Variants in TEAD1 observed in about 807,000 individuals in gnomAD.
TEAD1 encodes TEA domain transcription factor 1, also known as transcriptional enhancer factor TEF-1.
A neutral mutation model predicts 54.9 loss-of-function variants in TEAD1; 9 were observed. That is an observed-to-expected ratio of 0.16 (90% CI 0.10 to 0.29). TEAD1 has a LOEUF of 0.29. Among genes scored for constraint, TEAD1 ranks in the 10% least tolerant of loss-of-function variants. The pLI is 1.00. For synonymous variants in TEAD1, 200 were observed against 187.8 expected, an observed-to-expected ratio of 1.07 and a Z score of -0.53; for missense variants, 387 against 535.9, an observed-to-expected ratio of 0.72 and a Z score of 2.74.
At chr11:12,693,580 C>T (rs964095692) in intron 2 of TEAD1, among the ~76,000 whole-genome samples, 91 of 152,226 alleles carry the variant, frequency 6.0e-4, no homozygotes, top group Admixed American at 3.0e-3. Flanking sequence ...GCTGTTAAGT[C>T]GCAGCCCATG....
chr11:12,679,179 T>G (rs1943163760), intron 2 of TEAD1, among the ~76,000 whole-genome samples: 1 of 152,170 alleles, frequency 6.6e-6, no homozygotes, highest in African/African-American at 2.4e-5. Flanking sequence ...AAAACCTATC[T>G]TTTTTCTACC....
chr11:12,831,593 T>TA (rs1946783125), intron 3 of TEAD1, among the ~76,000 whole-genome samples: 1 of 152,140 alleles, frequency 6.6e-6, no homozygotes, highest in South Asian at 2.1e-4. Flanking sequence ...ACCTGGCTGA[T>TA]ATAGTGAGAC....
intron 3 of TEAD1, among the ~76,000 whole-genome samples, chr11:12,839,791 G>A (rs905205188): frequency 6.6e-6 from 1 of 152,118 alleles, no homozygotes; most frequent in Non-Finnish European, 1.5e-5. Flanking sequence ...ACAAGAGTTG[G>A]CATTCTAGGT....
rs200723452 is a variant in TEAD1, at chr11:12,679,748, A to AT, written c.-55+4198dup. Among the ~76,000 whole-genome samples the AT allele has an allele frequency of 4.8e-3, 713 of 148,234 alleles. 2 individuals are homozygous for AT. Among genetic ancestry groups the AT allele is most frequent in the African/African-American group, 7.5e-3 (304 of 40,510 alleles). On this transcript the variant is annotated intron_variant, in intron 2 of 12. Coordinates refer to ENST00000527636, the MANE Select transcript of TEAD1 (RefSeq NM_021961.6). ...CAATCTCAATTTAACTTGAAAGGGGATTTTTTTTTTTAAACTTGGAATGTT... is the reference window on the plus strand; with the variant it reads ...CAATCTCAATTTAACTTGAAAGGGGATTTTTTTTTTTTAAACTTGGAATGTT...
chr11:12,779,852 A>G (rs1171714540), intron 3 of TEAD1, among the ~76,000 whole-genome samples: 2 of 152,242 alleles, frequency 1.3e-5, no homozygotes, highest in East Asian at 3.8e-4. Flanking sequence ...CAGATACAGA[A>G]AAAGGATTTC....
At chr11:12,824,486 C>G (rs1946611933) in intron 3 of TEAD1, among the ~76,000 whole-genome samples, 1 of 152,218 alleles carries the variant, frequency 6.6e-6, no homozygotes, top group African/African-American at 2.4e-5. Flanking sequence ...AAAACAAGGT[C>G]TTTGGAACCA....
chr11:12,930,194 G>A lies in TEAD1; in HGVS notation c.1035G>A (p.Glu345=), dbSNP rs766852492. The change falls in exon 12 of 13, where the codon GAG becomes GAA. Residue 345 remains glutamate, a synonymous_variant. Transcript: ENST00000527636. ...CACAGACGGAGTATGCAAGGTTTGA[G>A]AATGGCCGATTTGTATACCGAATAA... The A allele has an allele frequency of 4.3e-6, 7 of 1,614,102 alleles. No individual in the cohort carries two copies. The highest frequency in any genetic ancestry group is 5.1e-6 in the Non-Finnish European group (6 of 1,180,054).
chr11:12,844,864 C>T (rs539613413), intron 3 of TEAD1, among the ~76,000 whole-genome samples: 118 of 151,556 alleles, frequency 7.8e-4, no homozygotes, highest in Non-Finnish European at 1.4e-3. Flanking sequence ...GGTAAGGACA[C>T]ACAGCCCACA....
chr11:12,755,756 AC>A (rs1481783434), intron 2 of TEAD1, among the ~76,000 whole-genome samples: 1 of 152,158 alleles, frequency 6.6e-6, no homozygotes, highest in Non-Finnish European at 1.5e-5. Context: ...TTGGGCATGC[AC>A]TGTCTTGGTA....
chr11:12,762,926 A>G (rs1945130209), intron 2 of TEAD1, among the ~76,000 whole-genome samples: 1 of 152,126 alleles, frequency 6.6e-6, no homozygotes, highest in Admixed American at 6.5e-5. Flanking sequence ...CCGTGTTGTA[A>G]TACTGCCTGG....
At chr11:12,776,781 A>ATTG (rs1945429498) in intron 3 of TEAD1, among the ~76,000 whole-genome samples, 1 of 110,538 alleles carries the variant, frequency 9.0e-6, no homozygotes, top group African/African-American at 5.0e-5. Flanking sequence ...TATTATTATT[A>ATTG]TTATTATTAT....
At chr11:12,843,044 A>AT (rs1947072918) in intron 3 of TEAD1, among the ~76,000 whole-genome samples, 1 of 151,950 alleles carries the variant, frequency 6.6e-6, no homozygotes, top group African/African-American at 2.4e-5. Context: ...GGAAAAAAAA[A>AT]ATTTTTTTTC....
At chr11:12,803,757 A>G (rs1019651308) in intron 3 of TEAD1, among the ~76,000 whole-genome samples, 3 of 152,228 alleles carry the variant, frequency 2.0e-5, no homozygotes, top group Admixed American at 2.0e-4. Context: ...GGTCTCCTGT[A>G]TCCTTCACAG....
intron 3 of TEAD1, chr11:12,848,790 TA>T (rs540437143): frequency 0.09 from 13,132 of 145,548 alleles, 653 homozygotes; most frequent in Admixed American, 0.13. Flanking sequence ...TACAAAAAAT[TA>T]AAAAAAAAAA....
chr11:12,923,399 C>T (rs12790829), intron 10 of TEAD1, among the ~76,000 whole-genome samples: 39,686 of 151,958 alleles, frequency 0.26, 5,505 homozygotes, highest in East Asian at 0.4. Context: ...CACTCCTCAC[C>T]GTTTGTGCTC....
intron 3 of TEAD1, among the ~76,000 whole-genome samples, chr11:12,806,491 A>G (rs1176506906): frequency 2.6e-5 from 4 of 151,866 alleles, no homozygotes; most frequent in Non-Finnish European, 5.9e-5. Context: ...TGTTAGGTGA[A>G]GTGTCCTCTT....
intron 2 of TEAD1, among the ~76,000 whole-genome samples, chr11:12,749,801 G>A (rs779319550): frequency 9.2e-5 from 14 of 151,802 alleles, no homozygotes; most frequent in African/African-American, 3.4e-4. Flanking sequence ...ATTGAGGGGG[G>A]AACAGTAGTT....
intron 3 of TEAD1, among the ~76,000 whole-genome samples, chr11:12,825,883 C>A (rs1946642351): frequency 6.6e-6 from 1 of 152,170 alleles, no homozygotes; most frequent in Admixed American, 6.5e-5. Context: ...CAATTGATTT[C>A]TCTACAGAGG....
rs868846538 is a variant in TEAD1 at position 12,913,653 on chromosome 11, A to G, written c.874-11259A>G. Among the ~76,000 whole-genome samples, 3 of 152,248 alleles carry G rather than the reference A, an allele frequency of 2.0e-5. No individual in the cohort carries two copies. The Middle Eastern group carries it at 0.01, about 518-fold the overall frequency. ...TCAGATTTATCAGGTTGCCCAGTTA[A>G]ATTTGCATTTCAAATAAACAGTGAA... is the stretch of plus-strand genomic sequence containing the variant. On this transcript the variant is annotated intron_variant, in intron 10 of 12. Coordinates refer to ENST00000527636, the MANE Select transcript of TEAD1 (RefSeq NM_021961.6).
Sources: gnomAD v4.1 joint callset for allele counts (sites outside exome capture counted in the v4.1 genomes callset) on GRCh38, gnomAD v4.1.1 for gene constraint, MANE v1.5 for transcripts, NCBI Gene and HGNC (gene_info 2026-07-23, HGNC 2026-07-21) for gene names.